RP1: variants seen among roughly 807,000 people sequenced by gnomAD.
The protein encoded by RP1 is RP1 axonemal microtubule associated.
RP1 carries 16 observed loss-of-function variants against 14.8 expected under a neutral mutation model. The ratio of observed to expected loss-of-function variants is 1.08; its 90% confidence interval spans 0.73 to 1.65. RP1 has a LOEUF of 1.65. Among genes scored for constraint, RP1 ranks in the 40% most tolerant of loss-of-function variants. The pLI is 0.00. For missense variants in RP1, 2,631 were observed against 2,535.0 expected (o/e 1.04, Z -0.81); for synonymous variants, 876 against 883.6 (o/e 0.99, Z 0.15).
intron 19 of RP1, among the ~76,000 whole-genome samples, chr8:54,741,907 A>G (rs1338778004): frequency 6.6e-6 from 1 of 151,316 alleles, no homozygotes; most frequent in East Asian, 1.9e-4. Context: ...TATGCCACCT[A>G]CCTTACAAAT....
intron 18 of RP1, among the ~76,000 whole-genome samples, chr8:54,737,379 T>C (rs1052508744): frequency 6.6e-6 from 1 of 152,186 alleles, no homozygotes; most frequent in Non-Finnish European, 1.5e-5. Flanking sequence ...AACCAGACTG[T>C]TCAGATATCC....
At chr8:54,689,957 A>G (rs1467426509) in intron 12 of RP1, among the ~76,000 whole-genome samples, 1 of 151,996 alleles carries the variant, frequency 6.6e-6, no homozygotes, top group Non-Finnish European at 1.5e-5. Context: ...TAGCTTCTTA[A>G]ATCTTCTTTG....
intron 1 of RP1, among the ~76,000 whole-genome samples, chr8:54,583,063 T>C (rs534709281): frequency 6.6e-6 from 1 of 152,178 alleles, no homozygotes; most frequent in Non-Finnish European, 1.5e-5. Flanking sequence ...AGAGAGGGCA[T>C]CCCTGTCTTG....
rs547543241 is a variant in RP1 at position 54,816,882 on chromosome 8, C to T, written c.3616-20568C>T. On this transcript the variant is annotated intron_variant, in intron 24 of 28. Transcript: ENST00000637698. ...CTCTCTGCTCCAAGCTTGACCACTC[C>T]AAACTCATTTCCACTGTAGGTCCTT... Among the ~76,000 whole-genome samples the T allele has an allele frequency of 2.6e-5, 4 of 152,254 alleles. No individual in the cohort carries two copies. The South Asian group carries it at 8.3e-4, about 32-fold the overall frequency.
intron 23 of RP1, among the ~76,000 whole-genome samples, chr8:54,782,269 C>T (rs760283216): frequency 5.9e-5 from 9 of 152,060 alleles, no homozygotes; most frequent in African/African-American, 4.8e-5. Context: ...CTTTGGCTTT[C>T]GGTACTGAGG....
At chr8:54,849,213 G>A (rs921123338) in intron 25 of RP1, among the ~76,000 whole-genome samples, 1 of 151,922 alleles carries the variant, frequency 6.6e-6, no homozygotes, top group African/African-American at 2.4e-5. Context: ...GTTCACCTGT[G>A]CATTCTTATA....
chr8:54,861,975 G>T (rs180844017), intron 27 of RP1, among the ~76,000 whole-genome samples: 1 of 152,084 alleles, frequency 6.6e-6, no homozygotes, highest in Non-Finnish European at 1.5e-5. Flanking sequence ...GCAAATTTGC[G>T]CCCTAGGGAC....
intron 16 of RP1, among the ~76,000 whole-genome samples, chr8:54,724,819 T>G (rs962099316): frequency 2.0e-5 from 3 of 152,206 alleles, no homozygotes; most frequent in African/African-American, 4.8e-5. Context: ...AAAGAGATAT[T>G]GGTGTACTTT....
At chr8:54,637,615 C>G (rs1425319063) in intron 3 of RP1, among the ~76,000 whole-genome samples, 1 of 151,998 alleles carries the variant, frequency 6.6e-6, no homozygotes, top group East Asian at 1.9e-4. Context: ...TAGAGACATA[C>G]TGCTTTTTTT....
chr8:54,780,955 A>G (rs915872099), intron 23 of RP1: 2 of 984,694 alleles, frequency 2.0e-6, no homozygotes, highest in Non-Finnish European at 2.4e-6. Context: ...ATCCTGTTAG[A>G]CTTTACTTCA....
chr8:54,667,726 T>C (rs749465192), intron 7 of RP1, among the ~76,000 whole-genome samples: 3 of 152,104 alleles, frequency 2.0e-5, no homozygotes, highest in Admixed American at 6.6e-5. Flanking sequence ...ATTTGGTACG[T>C]CCATGGAAGA....
chr8:54,825,902 T>C (rs1811377182), intron 24 of RP1, among the ~76,000 whole-genome samples: 1 of 130,228 alleles, frequency 7.7e-6, no homozygotes, highest in Non-Finnish European at 1.7e-5. Flanking sequence ...AGACCCTGTC[T>C]CCACAAAAAA....
Position 54,625,080 on chromosome 8 carries a change from C to A in RP1, c.1198C>A (p.Gln400Lys). The A allele has an allele frequency of 6.2e-7, 1 of 1,614,104 alleles. No homozygotes were observed. Residue 400 changes from glutamine (Q) to lysine (K), a missense_variant, in exon 4 of 4, where the codon CAA becomes AAA. By Grantham distance (53) the Gln-to-Lys change is moderately conservative (BLOSUM62 1). Coordinates refer to ENST00000220676, the MANE Select transcript of RP1 (RefSeq NM_006269.2). ...GTCACCTATGGAGCGAAGCAGTAAT[C>A]AAGAGGGCAGTTTGGCAGAGGAGAT... ...DVSPMERSSN[Q>K]EGSLAEEINI...
chr8:54,612,060 C>T (rs531281048), upstream of RP1, among the ~76,000 whole-genome samples: 9 of 152,176 alleles, frequency 5.9e-5, no homozygotes, highest in African/African-American at 9.6e-5. Flanking sequence ...CTAAACTCCC[C>T]GGTATAATGC....
At chr8:54,850,382 A>T (rs1008220499) in intron 25 of RP1, among the ~76,000 whole-genome samples, 1 of 152,228 alleles carries the variant, frequency 6.6e-6, no homozygotes, top group African/African-American at 2.4e-5. Flanking sequence ...TACATATTTT[A>T]GACTTATCAT....
chr8:54,571,614 A>C (rs78651608), intron 1 of RP1, among the ~76,000 whole-genome samples: 5,668 of 152,284 alleles, frequency 0.037, 155 homozygotes, highest in Non-Finnish European at 0.058. Flanking sequence ...TGGCAACAGG[A>C]TTAGTTTGCT....
At chr8:54,645,634 G>A (rs1054471890) in intron 3 of RP1, among the ~76,000 whole-genome samples, 1 of 152,062 alleles carries the variant, frequency 6.6e-6, no homozygotes, top group African/African-American at 2.4e-5. Flanking sequence ...TGATGTTTTT[G>A]GGGGTTATTG....
chr8:54,778,412 C>T (rs953761415), intron 23 of RP1, among the ~76,000 whole-genome samples: 1 of 151,396 alleles, frequency 6.6e-6, no homozygotes, highest in African/African-American at 2.4e-5. Flanking sequence ...GCAACCTCCA[C>T]CTCCCGGGTT....
chr8:54,773,731 G>T (rs1405040808), downstream of RP1, among the ~76,000 whole-genome samples: 1 of 152,116 alleles, frequency 6.6e-6, no homozygotes, highest in African/African-American at 2.4e-5. Context: ...GTAAATGAAA[G>T]AACTGATATT....
Sources: allele counts gnomAD v4.1 joint callset (sites outside exome capture counted in the v4.1 genomes callset), GRCh38; gene constraint gnomAD v4.1.1; transcripts MANE v1.5; gene names NCBI Gene and HGNC (gene_info 2026-07-23, HGNC 2026-07-21).